Variants in EPB41L4A observed in about 807,000 individuals in gnomAD.
EPB41L4A encodes the protein band 4.1-like protein 4A.
Under a neutral mutation model 108.6 loss-of-function variants are expected in EPB41L4A, and 100 were observed. The observed-to-expected ratio is 0.92, with a 90% CI of 0.78 to 1.09. EPB41L4A has a LOEUF of 1.09. Among genes scored for constraint, EPB41L4A ranks in the 50% least tolerant of loss-of-function variants. The pLI, the probability that EPB41L4A is intolerant of heterozygous loss-of-function variation, is 0.00. For synonymous variants in EPB41L4A, 319 were observed against 289.0 expected (o/e 1.10, Z -1.05); for missense variants, 1,030 against 842.7 (o/e 1.22, Z -2.75).
At chr5:112,151,933 T>C (rs1393233555) in intron 12 of EPB41L4A, among the ~76,000 whole-genome samples, 1 of 152,114 alleles carries the variant, frequency 6.6e-6, no homozygotes, top group Non-Finnish European at 1.5e-5. Flanking sequence ...GGTTTCACCA[T>C]GTTGGCCAGG....
chr5:112,305,610 T>C (rs796205545), intron 2 of EPB41L4A, among the ~76,000 whole-genome samples: 5 of 152,124 alleles, frequency 3.3e-5, no homozygotes, highest in Admixed American at 6.6e-5. Context: ...GTTACCAAGA[T>C]GAAGTACAAA....
chr5:112,156,614 A>C (rs967347457), intron 12 of EPB41L4A, among the ~76,000 whole-genome samples: 2 of 152,234 alleles, frequency 1.3e-5, no homozygotes, highest in African/African-American at 4.8e-5. Flanking sequence ...AAACATCCTC[A>C]AAGACACACC....
At chr5:112,270,531 TTAACCTC>T (rs1305131218) in intron 4 of EPB41L4A, among the ~76,000 whole-genome samples, 2 of 152,210 alleles carry the variant, frequency 1.3e-5, no homozygotes, top group Non-Finnish European at 2.9e-5. Context: ...TCATAACTCT[TTAACCTC>T]TAAAGTTTAA....
chr5:112,155,322 A>G (rs904045305), intron 12 of EPB41L4A, among the ~76,000 whole-genome samples: 4 of 152,160 alleles, frequency 2.6e-5, no homozygotes, highest in African/African-American at 9.7e-5. Flanking sequence ...CATAGAAAAA[A>G]ATTATATTTT....
rs1757297925 is a variant in EPB41L4A, at chr5:112,341,276, CAT to C, written c.100-33788_100-33787del. On this transcript the variant is annotated intron_variant, in intron 1 of 22. Coordinates refer to ENST00000261486, the MANE Select transcript of EPB41L4A (RefSeq NM_022140.5). ...TGCTTATCAACTTCCAAAAATCCCA[CAT>C]ATAACTGTGTTTGATTATAATGCCT... Among the ~76,000 whole-genome samples the C allele has an allele frequency of 2.6e-5, 4 of 152,174 alleles. No homozygotes were observed. The South Asian group carries it at 8.3e-4, about 32-fold the overall frequency.
At chr5:112,221,961 G>T (rs1748081213) in intron 12 of EPB41L4A, among the ~76,000 whole-genome samples, 1 of 152,184 alleles carries the variant, frequency 6.6e-6, no homozygotes, top group Non-Finnish European at 1.5e-5. Context: ...TTTCAAGGCA[G>T]AATAGAAAAG....
rs1258564881 is a variant in EPB41L4A at position 112,333,320 on chromosome 5, G to A, written c.100-25830C>T. Among the ~76,000 whole-genome samples the A allele has an allele frequency of 5.3e-5, 8 of 152,080 alleles. No homozygotes were observed. The South Asian group carries it at 1.7e-3, about 32-fold the overall frequency. ...GGGAGATGTCAAAAAGGGGGGAAGG[G>A]AAAACGGCAGGAATGTGCATGTCAA... On this transcript the variant is annotated intron_variant, in intron 1 of 22. Coordinates refer to ENST00000261486, the MANE Select transcript of EPB41L4A (RefSeq NM_022140.5).
At chr5:112,159,901 C>CT (rs540095907), downstream of EPB41L4A, among the ~76,000 whole-genome samples, 1,297 of 130,326 alleles carry the variant, frequency 1.0e-2, 7 homozygotes, top group Middle Eastern at 0.016. Flanking sequence ...TTTCTTTTTA[C>CT]TTTTTTTTTT....
At chr5:112,341,165 T>C (rs1016471645) in intron 1 of EPB41L4A, among the ~76,000 whole-genome samples, 2 of 152,224 alleles carry the variant, frequency 1.3e-5, no homozygotes, top group African/African-American at 2.4e-5. Context: ...GAAAGCTTCA[T>C]GGGAACAGGG....
At chr5:112,192,859 T>G (rs1278036617) in intron 17 of EPB41L4A, among the ~76,000 whole-genome samples, 1 of 152,220 alleles carries the variant, frequency 6.6e-6, no homozygotes, top group Non-Finnish European at 1.5e-5. Context: ...TAGAATATAT[T>G]AGGTAAAACA....
chr5:112,258,010 A>C (rs953898642), intron 9 of EPB41L4A, among the ~76,000 whole-genome samples: 2 of 152,244 alleles, frequency 1.3e-5, no homozygotes, highest in African/African-American at 2.4e-5. Flanking sequence ...CCTCCAAACT[A>C]AACCATAAGA....
At chr5:112,359,968 A>C (rs1161429442) in intron 1 of EPB41L4A, among the ~76,000 whole-genome samples, 2 of 152,226 alleles carry the variant, frequency 1.3e-5, no homozygotes, top group Non-Finnish European at 2.9e-5. Flanking sequence ...AGAACTCTAT[A>C]ATTACTGACG....
intron 1 of EPB41L4A, among the ~76,000 whole-genome samples, chr5:112,398,253 TTC>T (rs1443679729): frequency 1.3e-5 from 2 of 152,236 alleles, no homozygotes; most frequent in South Asian, 4.1e-4. Flanking sequence ...GGGAAATTTT[TTC>T]TTTTTTAGGA....
At chr5:112,331,765 G>A (rs563749761) in intron 1 of EPB41L4A, among the ~76,000 whole-genome samples, 80 of 152,336 alleles carry the variant, frequency 5.3e-4, no homozygotes, top group African/African-American at 1.9e-3. Flanking sequence ...CCAGAAGCAA[G>A]TGGCCACCAG....
At chr5:112,363,808 G>T (rs1758941282) in intron 1 of EPB41L4A, 1 of 152,118 alleles carries the variant, frequency 6.6e-6, no homozygotes, top group African/African-American at 2.4e-5. Context: ...ACATTCAGCG[G>T]TTTCTATTAA....
chr5:112,350,129 C>T (rs1341057307), intron 1 of EPB41L4A, among the ~76,000 whole-genome samples: 8 of 101,954 alleles, frequency 7.8e-5, no homozygotes, highest in Admixed American at 2.3e-4. Flanking sequence ...GACTGAGGGA[C>T]TCAATCTTTA....
downstream of EPB41L4A, chr5:112,161,455 T>TA (rs777859035): frequency 4.4e-4 from 225 of 513,386 alleles, 1 homozygote; most frequent in Admixed American, 4.4e-3. Context: ...TCAGCAACCT[T>TA]ATGCCATAAA....
intron 1 of EPB41L4A, among the ~76,000 whole-genome samples, chr5:112,376,243 G>A (rs990681392): frequency 6.6e-6 from 1 of 152,170 alleles, no homozygotes; most frequent in Admixed American, 6.5e-5. Context: ...CTTCACCAAA[G>A]AGGATACAGA....
chr5:112,183,569 C>G (rs1170993095), intron 18 of EPB41L4A, among the ~76,000 whole-genome samples: 1 of 152,202 alleles, frequency 6.6e-6, no homozygotes, highest in Non-Finnish European at 1.5e-5. Context: ...AATTCCAACA[C>G]TGAGGTGTAA....
Sources: allele counts gnomAD v4.1 joint callset (sites outside exome capture counted in the v4.1 genomes callset), GRCh38; gene constraint gnomAD v4.1.1; transcripts MANE v1.5; gene names NCBI Gene and HGNC (gene_info 2026-07-23, HGNC 2026-07-21).